CACNA2D1: variants seen among roughly 807,000 people sequenced by gnomAD.
CACNA2D1 encodes the protein voltage-dependent calcium channel subunit alpha-2/delta-1.
CACNA2D1 carries 53 observed loss-of-function variants against 171.5 expected under a neutral mutation model. The observed-to-expected ratio is 0.31, with a 90% CI of 0.25 to 0.39. The LOEUF (loss-of-function observed/expected upper bound fraction) is 0.39. CACNA2D1 is among the 10% of genes least tolerant of loss of function. The pLI is 1.00. For synonymous variants in CACNA2D1, 442 were observed against 443.1 expected, an observed-to-expected ratio of 1.00 and a Z score of 0.03; for missense variants, 903 against 1,299.8, an observed-to-expected ratio of 0.69 and a Z score of 4.69.
intron 7 of CACNA2D1, among the ~76,000 whole-genome samples, chr7:82,072,444 G>A (rs868228123): frequency 9.2e-5 from 14 of 151,710 alleles, no homozygotes; most frequent in African/African-American, 3.1e-4. Context: ...TTTGTCCCCA[G>A]GAAACTGCTT....
intron 2 of CACNA2D1, among the ~76,000 whole-genome samples, chr7:82,343,470 G>A (rs1465489614): frequency 1.3e-5 from 2 of 152,192 alleles, no homozygotes; most frequent in Admixed American, 6.5e-5. Flanking sequence ...CAGAAGTGCA[G>A]GTTGTCCCTA....
chr7:82,187,556 C>A (rs1265359086), intron 3 of CACNA2D1, among the ~76,000 whole-genome samples: 1 of 150,390 alleles, frequency 6.6e-6, no homozygotes. Context: ...TAAACATTGC[C>A]AAAAAAAAAG....
At chr7:82,199,768 C>T (rs934219836) in intron 3 of CACNA2D1, among the ~76,000 whole-genome samples, 2 of 151,938 alleles carry the variant, frequency 1.3e-5, no homozygotes, top group African/African-American at 4.8e-5. Flanking sequence ...TAAAAAGAGA[C>T]ATACAGGAGA....
chr7:82,421,117 G>A (rs1828679462), intron 1 of CACNA2D1, among the ~76,000 whole-genome samples: 2 of 152,068 alleles, frequency 1.3e-5, no homozygotes, highest in Non-Finnish European at 2.9e-5. Context: ...ATGCACCACT[G>A]ATCTCTATTT....
At chr7:82,343,615 C>G (rs748495480) in intron 2 of CACNA2D1, among the ~76,000 whole-genome samples, 3 of 152,144 alleles carry the variant, frequency 2.0e-5, no homozygotes, top group Non-Finnish European at 2.9e-5. Flanking sequence ...CATTAACATA[C>G]ACAAATAACA....
At chr7:82,418,572 T>C (rs1298850028) in intron 1 of CACNA2D1, among the ~76,000 whole-genome samples, 1 of 152,198 alleles carries the variant, frequency 6.6e-6, no homozygotes, top group Non-Finnish European at 1.5e-5. Context: ...GATTCTGGGC[T>C]TCCATTTTCC....
intron 3 of CACNA2D1, among the ~76,000 whole-genome samples, chr7:82,325,021 C>A (rs1304029059): frequency 6.6e-6 from 1 of 152,144 alleles, no homozygotes; most frequent in East Asian, 1.9e-4. Flanking sequence ...CTTGGCCTTT[C>A]GCTGTCAGCA....
intron 6 of CACNA2D1, among the ~76,000 whole-genome samples, chr7:82,098,539 G>A (rs1369643197): frequency 6.6e-6 from 1 of 152,096 alleles, no homozygotes; most frequent in Non-Finnish European, 1.5e-5. Context: ...TGTGCACTTG[G>A]AGAATAAGCA....
chr7:82,443,173 C>G (rs1563559444), intron 1 of CACNA2D1, among the ~76,000 whole-genome samples, 192 bp downstream of exon 1: 1 of 151,908 alleles, frequency 6.6e-6, no homozygotes, highest in Admixed American at 6.6e-5. Flanking sequence ...CCCGAGACGC[C>G]GGTTCGGGAC....
intron 10 of CACNA2D1, chr7:82,051,222 G>A (rs1267594616): frequency 6.6e-6 from 1 of 152,218 alleles, no homozygotes; most frequent in African/African-American, 2.4e-5. Flanking sequence ...CTGGACCCAG[G>A]AAATCTGCAG....
At position 82,402,705 on chromosome 7, in the gene CACNA2D1, CAAAAAAAAAA is replaced by C. The variant is rs59290672; in HGVS notation, c.95+40650_95+40659del. The stretch of plus-strand genomic sequence containing the variant: ...AGGGCAATACAGCAAGACTCTGTCT[CAAAAAAAAAA>C]AAAAAAAAAAAAAAAAAGAAGAAGA... On this transcript the variant is annotated intron_variant, in intron 1 of 38. Coordinates refer to ENST00000356860, the MANE Select transcript of CACNA2D1 (RefSeq NM_000722.4). 1.7e-3 allele frequency among the ~76,000 whole-genome samples: 110 copies of C among 64,828 alleles called. 1 individual carries two copies. Among genetic ancestry groups the C allele is most frequent in the Admixed American group, 6.7e-4 (3 of 4,506 alleles). 42.5% of individuals were successfully genotyped at this position (64,828 alleles called of 152,430 possible).
At chr7:82,018,409 G>C (rs1177290254) in intron 12 of CACNA2D1, among the ~76,000 whole-genome samples, 2 of 152,224 alleles carry the variant, frequency 1.3e-5, no homozygotes, top group South Asian at 2.1e-4. Context: ...ACAGTATGTG[G>C]TAAGAGCAGG....
chr7:82,274,352 C>T (rs1426589860), intron 3 of CACNA2D1, among the ~76,000 whole-genome samples: 1 of 152,118 alleles, frequency 6.6e-6, no homozygotes, highest in Non-Finnish European at 1.5e-5. Context: ...TTCTTTATTG[C>T]ATATTTACTT....
intron 3 of CACNA2D1, among the ~76,000 whole-genome samples, chr7:82,273,912 A>T (rs371561754): frequency 6.6e-6 from 1 of 152,188 alleles, no homozygotes. Context: ...CTTTGCACTT[A>T]CCCATATTAT....
chr7:82,156,829 G>A (rs767770567), intron 4 of CACNA2D1, among the ~76,000 whole-genome samples: 19 of 152,154 alleles, frequency 1.2e-4, no homozygotes, highest in Admixed American at 6.6e-4. Context: ...TTATTAATCT[G>A]TCATGAAAGT....
rs1469777979 is a variant in CACNA2D1 at position 82,207,789 on chromosome 7, C to T, written c.295-37180G>A. 2.6e-5 allele frequency among the ~76,000 whole-genome samples: 4 copies of T among 152,264 alleles called. 1 individual carries two copies. Among genetic ancestry groups the T allele is most frequent in the South Asian group, 4.1e-4 (2 of 4,828 alleles). On this transcript the variant is annotated intron_variant, in intron 3 of 38. Transcript: ENST00000356860. ...TAAGTGGAAGCAACAACAATATGCC[C>T]ATTTTAATTTAATTCTATAGATTTA... is the stretch of plus-strand genomic sequence containing the variant.
At chr7:82,157,602 ATAC>A (rs1009083162) in intron 4 of CACNA2D1, among the ~76,000 whole-genome samples, 30 of 152,024 alleles carry the variant, frequency 2.0e-4, no homozygotes, top group African/African-American at 7.0e-4. Flanking sequence ...AGAAACACCA[ATAC>A]TCTTTGTCAG....
intron 5 of CACNA2D1, among the ~76,000 whole-genome samples, chr7:82,123,646 A>T (rs1789999167): frequency 6.6e-6 from 1 of 152,176 alleles, no homozygotes; most frequent in Non-Finnish European, 1.5e-5. Flanking sequence ...CCAGCTCTGG[A>T]TCATACAGAC....
At chr7:82,375,257 C>T (rs890465220) in intron 1 of CACNA2D1, among the ~76,000 whole-genome samples, 1 of 152,090 alleles carries the variant, frequency 6.6e-6, no homozygotes, top group Non-Finnish European at 1.5e-5. Flanking sequence ...ATCTGTCTTA[C>T]CCCATCACCC....
Sources: allele counts gnomAD v4.1 joint callset (sites outside exome capture counted in the v4.1 genomes callset), GRCh38; gene constraint gnomAD v4.1.1; transcripts MANE v1.5; gene names NCBI Gene and HGNC (gene_info 2026-07-23, HGNC 2026-07-21).